ZNF823: variants seen among roughly 807,000 people sequenced by gnomAD.
The protein encoded by ZNF823 is ZFP 36 for a zinc finger protein.
A neutral mutation model predicts 11.4 loss-of-function variants in ZNF823; 5 were observed. The ratio of observed to expected loss-of-function variants is 0.44; its 90% CI spans 0.23 to 0.92. The LOEUF (loss-of-function observed/expected upper bound fraction) is 0.92. ZNF823 is among the 40% of genes least tolerant of loss of function. The pLI is 0.24. For synonymous variants in ZNF823, 234 were observed against 250.5 expected (o/e 0.93, Z 0.62); for missense variants, 582 against 738.5 (o/e 0.79, Z 2.46).
At chr19:11,738,675 A>G in intron 1 of ZNF823, 142 bp downstream of exon 1, 1 of 1,147,614 alleles carries the variant, frequency 8.7e-7, no homozygotes, top group Non-Finnish European at 1.2e-6. Flanking sequence ...CCAGGGGACC[A>G]AGGGCAGAGC....
chr19:11,732,330 A>G (rs1197632027), intron 1 of ZNF823, among the ~76,000 whole-genome samples: 1 of 151,742 alleles, frequency 6.6e-6, no homozygotes, highest in Admixed American at 6.6e-5. Flanking sequence ...ACGCCCAGCT[A>G]ATTTTTTTGT....
chr19:11,735,627 A>G (rs914672256), intron 1 of ZNF823, among the ~76,000 whole-genome samples: 2 of 152,130 alleles, frequency 1.3e-5, no homozygotes, highest in African/African-American at 4.8e-5. Flanking sequence ...TGGGTCTTCA[A>G]TGACCTCCCT....
intron 1 of ZNF823, among the ~76,000 whole-genome samples, chr19:11,735,345 ATAGTTGG>A (rs1181505961): frequency 6.6e-6 from 1 of 151,326 alleles, no homozygotes; most frequent in Non-Finnish European, 1.5e-5. Flanking sequence ...TGTAGATCTT[ATAGTTGG>A]TAGTTTTCTC....
Position 11,722,654 on chromosome 19 carries a change from G to A in ZNF823, c.880C>T (p.His294Tyr), listed in dbSNP as rs1568465636. The change falls in exon 4 of 4, where the codon CAT becomes TAT. Residue 294 changes from histidine (H) to tyrosine (Y), a missense_variant. His to Tyr is a moderately conservative substitution (Grantham distance 83, BLOSUM62 2). This residue lies in a region of ZNF823 where 429 missense variants were observed against 553.7 expected (regional missense o/e 0.77). Coordinates refer to ENST00000341191, the MANE Select transcript of ZNF823 (RefSeq NM_001080493.4). This position sits in a 1 kb window ranked among gnomAD's most constrained non-coding sequence, Gnocchi z 5.2. Reference protein sequence around the residue: ...AFSCYYYTRLHERTHTGEQPY... With the variant: ...AFSCYYYTRLYERTHTGEQPY... ...TGTTCTCCCGTGTGAGTCCTTTCATGTAGTCGAGTGTAATAGTAACAGCTG... is the reference window on the plus strand; with the variant it reads ...TGTTCTCCCGTGTGAGTCCTTTCATATAGTCGAGTGTAATAGTAACAGCTG... 1 of 1,613,918 alleles carries A rather than the reference G, an allele frequency of 6.2e-7. No individual in the cohort carries two copies. Among genetic ancestry groups the A allele is most frequent in the Non-Finnish European group, 8.5e-7 (1 of 1,179,962 alleles).
At chr19:11,723,455 CCT>C (rs148675441) in intron 3 of ZNF823, 113 bp from the exon 4 acceptor site, 11,746 of 953,716 alleles carry the variant, frequency 0.012, 280 homozygotes, top group East Asian at 0.095. Context: ...GGCTTCATCC[CCT>C]GTTTGAATGT....
At position 11,721,567 on chromosome 19, in the gene ZNF823, G is replaced by A. The variant is rs998080084; in HGVS notation, c.*134C>T. The A allele has an allele frequency of 2.3e-6, 2 of 856,058 alleles. No homozygotes were observed. The highest frequency in any genetic ancestry group is 3.5e-6 in the Non-Finnish European group (2 of 565,896). 53.0% of individuals were successfully genotyped at this position (856,058 alleles called of 1,614,324 possible). A position where few individuals can be genotyped will look rare whatever the true frequency, so the allele number is the denominator to read the frequency against. On this transcript the variant is annotated 3_prime_UTR_variant, in exon 4 of 4. Transcript: ENST00000341191. ...ACCAATCCCCTGCAATATATTGGGG[G>A]ATAACTGTATTTAAAAAAATTGAAA...
intron 1 of ZNF823, among the ~76,000 whole-genome samples, chr19:11,737,647 C>T (rs955863173): frequency 7.1e-5 from 10 of 140,744 alleles, no homozygotes; most frequent in African/African-American, 2.6e-4. Context: ...AACACAAAAA[C>T]ACATCTTTTA....
At chr19:11,732,730 G>A (rs528426461) in intron 1 of ZNF823, among the ~76,000 whole-genome samples, 25 of 152,352 alleles carry the variant, frequency 1.6e-4, no homozygotes, top group African/African-American at 6.0e-4. Context: ...ACCGCGCCCG[G>A]CAAAGCTTTC....
At chr19:11,737,560 C>CTT (rs766360043) in intron 1 of ZNF823, among the ~76,000 whole-genome samples, 92 of 110,454 alleles carry the variant, frequency 8.3e-4, no homozygotes, top group East Asian at 1.7e-3. Context: ...CCGCGCCCGG[C>CTT]TTTTTTTTTT....
rs779105933 is a variant in ZNF823, at chr19:11,722,546, C to T, written c.988G>A (p.Gly330Arg). The T allele has an allele frequency of 1.1e-5, 17 of 1,613,936 alleles. No homozygotes were observed. Among genetic ancestry groups the T allele is most frequent in the South Asian group, 4.4e-5 (4 of 91,070 alleles). Residue 330 changes from glycine to arginine, a missense_variant, in exon 4 of 4, where the codon GGA becomes AGA. Gly to Arg is a moderately radical substitution (Grantham distance 125). Around this residue, in one of 3 missense-constraint regions of ZNF823, gnomAD observed 429 missense variants for 553.7 expected, o/e 0.77. Coordinates refer to ENST00000341191, the MANE Select transcript of ZNF823 (RefSeq NM_001080493.4). This position sits in a 1 kb window ranked among gnomAD's most constrained non-coding sequence, Gnocchi z 5.2. ...RRHMIRHTGD[G>R]PHKCKICGKG... Reference sequence around the variant, plus strand: ...CCACATATCTTACATTTATGTGGTCCGTCTCCAGTGTGCCTTATCATGTGT... The same window carrying T: ...CCACATATCTTACATTTATGTGGTCTGTCTCCAGTGTGCCTTATCATGTGT...
In ZNF823 at chr19:11,725,130, C is replaced by A. The variant is rs1332894082; in HGVS notation, c.130+71G>T. On this transcript the variant is annotated intron_variant, in intron 2 of 3. Coordinates refer to ENST00000341191, the MANE Select transcript of ZNF823 (RefSeq NM_001080493.4). ...CATATCCTCTTTCCATATTTCAAAT[C>A]ATGAACAGCGTTGATGGCCAGGAAA... The A allele has an allele frequency of 6.4e-6, 10 of 1,561,148 alleles. No homozygotes were observed. In the South Asian group the frequency reaches 1.1e-4, roughly 17 times the overall value.
At chr19:11,724,751 G>A (rs1376262351) in intron 2 of ZNF823, among the ~76,000 whole-genome samples, 2 of 151,428 alleles carry the variant, frequency 1.3e-5, no homozygotes, top group Non-Finnish European at 2.9e-5. Flanking sequence ...TAGTAGAGAC[G>A]GGGTTTCACC....
At chr19:11,732,045 C>A (rs1974906444) in intron 1 of ZNF823, among the ~76,000 whole-genome samples, 1 of 150,396 alleles carries the variant, frequency 6.6e-6, no homozygotes, top group South Asian at 2.1e-4. Flanking sequence ...TAAAATAACT[C>A]ATGAAACTCA....
intron 1 of ZNF823, chr19:11,726,087 A>AT (rs1188381891): frequency 6.7e-6 from 1 of 149,608 alleles, no homozygotes; most frequent in African/African-American, 2.4e-5. Context: ...AAAAAAAAAA[A>AT]AAAAAAATAG....
At chr19:11,735,535 A>G (rs1313991442) in intron 1 of ZNF823, among the ~76,000 whole-genome samples, 3 of 152,158 alleles carry the variant, frequency 2.0e-5, no homozygotes, top group Non-Finnish European at 4.4e-5. Flanking sequence ...AGCTTCTCTC[A>G]GTATAAAAGG....
intron 1 of ZNF823, among the ~76,000 whole-genome samples, chr19:11,732,460 CGG>C (rs1974917043): frequency 6.8e-6 from 1 of 147,430 alleles, no homozygotes; most frequent in African/African-American, 2.5e-5. Flanking sequence ...CCACCGCGCC[CGG>C]CCATTTTTTT....
intron 1 of ZNF823, among the ~76,000 whole-genome samples, chr19:11,727,608 G>C (rs1974815359): frequency 6.6e-6 from 1 of 152,084 alleles, no homozygotes; most frequent in African/African-American, 2.4e-5. Flanking sequence ...AACAGATAAA[G>C]GATTTTTAAA....
At chr19:11,727,847 C>A (rs926481432) in intron 1 of ZNF823, among the ~76,000 whole-genome samples, 1 of 151,922 alleles carries the variant, frequency 6.6e-6, no homozygotes, top group Non-Finnish European at 1.5e-5. Context: ...CCAGTTGGTA[C>A]AAGGACTATC....
At chr19:11,733,301 A>T (rs900942012) in intron 1 of ZNF823, among the ~76,000 whole-genome samples, 2 of 144,172 alleles carry the variant, frequency 1.4e-5, no homozygotes, top group Admixed American at 7.3e-5. Flanking sequence ...CAGGAGTCGG[A>T]GGTTGCAGCG....
Sources: gnomAD v4.1 joint callset for allele counts (sites outside exome capture counted in the v4.1 genomes callset) on GRCh38, gnomAD v4.1.1 for gene constraint, gnomAD v4.1.1 regional missense constraint, Gnocchi (gnomAD v3.1) non-coding constraint, MANE v1.5 for transcripts, NCBI Gene and HGNC (gene_info 2026-07-23, HGNC 2026-07-21) for gene names.